The following CDH12 variants were observed in gnomAD, a reference collection of about 807,000 sequenced individuals.
The protein encoded by CDH12 is cadherin 12.
CDH12 carries 41 observed loss-of-function variants against 74.1 expected under a neutral mutation model. That is an observed-to-expected ratio of 0.55 (90% CI 0.43 to 0.72). CDH12 has a LOEUF of 0.72. CDH12 is among the 30% of genes least tolerant of loss of function. The pLI is 0.00. For synonymous variants in CDH12, 399 were observed against 355.0 expected, an observed-to-expected ratio of 1.12 and a Z score of -1.39; for missense variants, 945 against 977.2, an observed-to-expected ratio of 0.97 and a Z score of 0.44.
At chr5:22,525,803 G>T (rs1347829331) in intron 1 of CDH12, among the ~76,000 whole-genome samples, 3 of 152,090 alleles carry the variant, frequency 2.0e-5, no homozygotes, top group African/African-American at 7.2e-5. Context: ...TCAAAACCTG[G>T]TGTTAAAAAT....
At chr5:22,796,570 A>C (rs1239522109) in intron 1 of CDH12, among the ~76,000 whole-genome samples, 1 of 79,518 alleles carries the variant, frequency 1.3e-5, no homozygotes, top group Non-Finnish European at 2.0e-5. Flanking sequence ...CCCAGGCTGG[A>C]GTGCAGTGGC....
At chr5:22,807,760 A>G (rs1327276131) in intron 1 of CDH12, among the ~76,000 whole-genome samples, 1 of 152,278 alleles carries the variant, frequency 6.6e-6, no homozygotes, top group East Asian at 1.9e-4. Flanking sequence ...GGCACAGCAA[A>G]ATAAGATTAA....
chr5:22,529,186 T>TAGAGAG (rs1468255213), intron 1 of CDH12, among the ~76,000 whole-genome samples: 13 of 69,558 alleles, frequency 1.9e-4, no homozygotes, highest in South Asian at 5.6e-4. Flanking sequence ...TATATATATA[T>TAGAGAG]ATAGAGAGAG....
At chr5:22,627,120 T>C (rs1258559490) in intron 1 of CDH12, among the ~76,000 whole-genome samples, 4 of 152,106 alleles carry the variant, frequency 2.6e-5, no homozygotes, top group Non-Finnish European at 5.9e-5. Context: ...CTCATTGGTA[T>C]CCCTAAAAGA....
intron 5 of CDH12, among the ~76,000 whole-genome samples, chr5:22,058,449 T>C (rs1398107627): frequency 6.6e-6 from 1 of 152,188 alleles, no homozygotes; most frequent in Non-Finnish European, 1.5e-5. Context: ...CAAATGTATT[T>C]GTCCCCAGCA....
At chr5:22,813,232 T>C (rs1749233013) in intron 1 of CDH12, among the ~76,000 whole-genome samples, 2 of 152,188 alleles carry the variant, frequency 1.3e-5, no homozygotes, top group Non-Finnish European at 2.9e-5. Context: ...TTAGCCTATA[T>C]TATGAAGGAC....
At chr5:22,123,156 T>C (rs758574200) in intron 4 of CDH12, among the ~76,000 whole-genome samples, 7 of 152,180 alleles carry the variant, frequency 4.6e-5, no homozygotes, top group African/African-American at 1.2e-4. Context: ...GTGGTAGGTA[T>C]AGGTCAATGA....
intron 1 of CDH12, among the ~76,000 whole-genome samples, chr5:22,849,173 T>C (rs1425981535): frequency 6.6e-6 from 1 of 152,142 alleles, no homozygotes; most frequent in Non-Finnish European, 1.5e-5. Flanking sequence ...CTGACCATGA[T>C]AAGTGTTATC....
intron 1 of CDH12, among the ~76,000 whole-genome samples, chr5:22,819,903 A>G (rs1749584248): frequency 6.7e-6 from 1 of 148,480 alleles, no homozygotes; most frequent in Admixed American, 6.8e-5. Context: ...TAAGATATCT[A>G]GATATTTAAA....
At chr5:21,825,109 T>G (rs1207101177) in intron 8 of CDH12, among the ~76,000 whole-genome samples, 1 of 148,492 alleles carries the variant, frequency 6.7e-6, no homozygotes, top group African/African-American at 2.5e-5. Context: ...GCTGAGATCA[T>G]GCCACTGCAC....
At chr5:21,866,290 A>T (rs1751322393) in intron 6 of CDH12, among the ~76,000 whole-genome samples, 1 of 152,186 alleles carries the variant, frequency 6.6e-6, no homozygotes, top group Non-Finnish European at 1.5e-5. Flanking sequence ...GCGACTTTGG[A>T]ACTGGGTAAC....
intron 4 of CDH12, among the ~76,000 whole-genome samples, chr5:22,116,542 T>A (rs1416455259): frequency 1.3e-5 from 2 of 151,998 alleles, no homozygotes; most frequent in African/African-American, 4.8e-5. Context: ...GAGATGGAGC[T>A]TGCAGTTAGC....
intron 1 of CDH12, among the ~76,000 whole-genome samples, chr5:22,764,359 A>G (rs1561014304): frequency 6.6e-6 from 1 of 151,946 alleles, no homozygotes; most frequent in East Asian, 1.9e-4. Flanking sequence ...ATTATAGCCA[A>G]TCTGTAGTTA....
intron 1 of CDH12, among the ~76,000 whole-genome samples, chr5:22,603,671 T>C (rs1736957487): frequency 6.6e-6 from 1 of 152,204 alleles, no homozygotes; most frequent in Non-Finnish European, 1.5e-5. Context: ...TTAAATATTC[T>C]TGGAGGTCAA....
intron 6 of CDH12, among the ~76,000 whole-genome samples, chr5:21,884,989 G>A (rs565329996): frequency 6.6e-6 from 1 of 152,036 alleles, no homozygotes; most frequent in Admixed American, 6.6e-5. Flanking sequence ...GGGTTCAAAC[G>A]ATTCTCCTGC....
intron 2 of CDH12, among the ~76,000 whole-genome samples, chr5:22,453,573 G>A (rs1404821172): frequency 6.6e-6 from 1 of 152,092 alleles, no homozygotes; most frequent in Non-Finnish European, 1.5e-5. Flanking sequence ...GGTTACCAGA[G>A]GCAGGGGTAG....
rs572092320 is a variant in CDH12, at chr5:22,015,946, AATTTGC to A, written c.232-40567_232-40562del. On this transcript the variant is annotated intron_variant, in intron 5 of 14. Coordinates refer to ENST00000382254, the MANE Select transcript of CDH12 (RefSeq NM_004061.5). The stretch of plus-strand genomic sequence containing the variant: ...TTTTTAAAAGGAAAATGGACTAAGA[AATTTGC>A]ATAATATCTCCCTACTTGGTAGAAA... 3.5e-4 allele frequency among the ~76,000 whole-genome samples: 53 copies of A among 152,294 alleles called. No individual in the cohort carries two copies. The East Asian group carries it at 0.01, about 29-fold the overall frequency.
At chr5:22,755,588 A>G (rs1745852604) in intron 1 of CDH12, among the ~76,000 whole-genome samples, 1 of 152,164 alleles carries the variant, frequency 6.6e-6, no homozygotes, top group Admixed American at 6.5e-5. Flanking sequence ...CCAATATGTA[A>G]GAATTCATAC....
chr5:22,738,079 CAG>C (rs1472595220), intron 1 of CDH12, among the ~76,000 whole-genome samples: 1 of 151,868 alleles, frequency 6.6e-6, no homozygotes, highest in African/African-American at 2.4e-5. Context: ...AGAGCCCAGT[CAG>C]AGTTGATAAT....
Sources: gnomAD v4.1 joint callset for allele counts (sites outside exome capture counted in the v4.1 genomes callset) on GRCh38, gnomAD v4.1.1 for gene constraint, MANE v1.5 for transcripts, NCBI Gene and HGNC (gene_info 2026-07-23, HGNC 2026-07-21) for gene names.